Variants in CAPZB observed in about 807,000 individuals in gnomAD.
CAPZB encodes capping actin protein of muscle Z-line subunit beta.
Under a neutral mutation model 38.1 loss-of-function variants are expected in CAPZB, and 2 were observed. The observed-to-expected ratio is 0.05, with a 90% CI of 0.02 to 0.17. The LOEUF is 0.17. Among genes scored for constraint, CAPZB ranks in the 10% least tolerant of loss-of-function variants. The pLI, the probability that CAPZB is intolerant of heterozygous loss-of-function variation, is 1.00. For synonymous variants in CAPZB, 107 were observed against 127.4 expected, an observed-to-expected ratio of 0.84 and a Z score of 1.08; for missense variants, 161 against 334.2, an observed-to-expected ratio of 0.48 and a Z score of 4.04.
intron 1 of CAPZB, among the ~76,000 whole-genome samples, chr1:19,463,521 A>T (rs564109625): frequency 1.3e-3 from 198 of 152,330 alleles, no homozygotes; most frequent in African/African-American, 4.5e-3. Flanking sequence ...ACCCCACCTA[A>T]GCTCACATAA....
At chr1:19,389,094 G>C (rs180765643) in intron 2 of CAPZB, among the ~76,000 whole-genome samples, 46 of 152,066 alleles carry the variant, frequency 3.0e-4, no homozygotes, top group Non-Finnish European at 6.0e-4. Flanking sequence ...TAACATTTTC[G>C]TTGTCATGGG....
At chr1:19,403,060 C>CA (rs11428668) in intron 2 of CAPZB, among the ~76,000 whole-genome samples, 33,015 of 150,706 alleles carry the variant, frequency 0.22, 3,891 homozygotes, top group East Asian at 0.36. Context: ...TAAAACAAAA[C>CA]AAAAAAAAAG....
At chr1:19,423,919 C>T (rs545832863) in intron 1 of CAPZB, among the ~76,000 whole-genome samples, 33 of 152,240 alleles carry the variant, frequency 2.2e-4, no homozygotes, top group East Asian at 1.9e-3. Flanking sequence ...TCAAGCGATC[C>T]GCCCACCTCG....
intron 8 of CAPZB, among the ~76,000 whole-genome samples, chr1:19,342,131 G>C (rs1375631059): frequency 2.6e-5 from 4 of 152,236 alleles, no homozygotes; most frequent in African/African-American, 7.2e-5. Context: ...GCTGCAGCTC[G>C]TTAGGGGCGG....
At chr1:19,380,793 T>C (rs1486858202) in intron 3 of CAPZB, among the ~76,000 whole-genome samples, 3 of 152,128 alleles carry the variant, frequency 2.0e-5, no homozygotes, top group Non-Finnish European at 4.4e-5. Flanking sequence ...GAGCCTTTTC[T>C]GTCATCTTCT....
At chr1:19,461,992 A>G (rs547798762) in intron 1 of CAPZB, among the ~76,000 whole-genome samples, 1 of 152,308 alleles carries the variant, frequency 6.6e-6, no homozygotes, top group Non-Finnish European at 1.5e-5. Flanking sequence ...TAATGATACA[A>G]TCATAAAAAT....
chr1:19,484,934 C>CCG (rs1213049532), intron 1 of CAPZB, among the ~76,000 whole-genome samples: 3 of 152,176 alleles, frequency 2.0e-5, no homozygotes, highest in Admixed American at 2.0e-4. Context: ...AAGGGGCTGA[C>CCG]CGGGGTCCAG....
At chr1:19,447,185 G>C (rs1322723888) in intron 1 of CAPZB, among the ~76,000 whole-genome samples, 1 of 148,698 alleles carries the variant, frequency 6.7e-6, no homozygotes, top group South Asian at 2.1e-4. Flanking sequence ...TGTAATTGTT[G>C]TTGCTTTGTT....
chr1:19,464,184 CG>C (rs2094561556), intron 1 of CAPZB, among the ~76,000 whole-genome samples: 1 of 142,366 alleles, frequency 7.0e-6, no homozygotes, highest in South Asian at 2.2e-4. Flanking sequence ...AAGACTCTGT[CG>C]AAAAAGGGAA....
chr1:19,353,508 C>G (rs1353030661), intron 6 of CAPZB, among the ~76,000 whole-genome samples: 2 of 152,046 alleles, frequency 1.3e-5, no homozygotes, highest in African/African-American at 4.8e-5. Flanking sequence ...CCTCATGCCT[C>G]AGACTGACAC....
At chr1:19,384,115 C>T (rs2094191176) in intron 3 of CAPZB, among the ~76,000 whole-genome samples, 1 of 152,216 alleles carries the variant, frequency 6.6e-6, no homozygotes, top group South Asian at 2.1e-4. Context: ...TGCCATTCAA[C>T]ATTTCACGTG....
intron 1 of CAPZB, among the ~76,000 whole-genome samples, chr1:19,436,667 T>C (rs1475270562): frequency 1.4e-5 from 2 of 139,868 alleles, no homozygotes; most frequent in African/African-American, 2.5e-5. Flanking sequence ...ATATCCCCCA[T>C]AGCTAAGGAG....
intron 1 of CAPZB, among the ~76,000 whole-genome samples, chr1:19,461,180 A>C (rs1007750620): frequency 5.3e-5 from 8 of 152,028 alleles, no homozygotes; most frequent in Admixed American, 5.2e-4. Context: ...GGGAGAATGG[A>C]TCTTCATATG....
intron 4 of CAPZB, among the ~76,000 whole-genome samples, chr1:19,367,526 G>A (rs1055602044): frequency 1.3e-5 from 2 of 152,318 alleles, no homozygotes; most frequent in African/African-American, 2.4e-5. Context: ...GGCTTTGGGC[G>A]GGCCATGTCC....
chr1:19,462,080 A>G (rs984890661), intron 1 of CAPZB, among the ~76,000 whole-genome samples: 2 of 151,994 alleles, frequency 1.3e-5, no homozygotes, highest in African/African-American at 4.8e-5. Flanking sequence ...CAGGGCTTTG[A>G]GGCTGCAGTG....
chr1:19,358,018 T>C (rs1177692435), intron 4 of CAPZB, among the ~76,000 whole-genome samples: 1 of 152,232 alleles, frequency 6.6e-6, no homozygotes, highest in African/African-American at 2.4e-5. Context: ...CTCCTGAGCC[T>C]GGCAGACCAG....
chr1:19,475,014 C>T (rs2094602114), intron 1 of CAPZB, among the ~76,000 whole-genome samples: 1 of 152,114 alleles, frequency 6.6e-6, no homozygotes, highest in Non-Finnish European at 1.5e-5. Flanking sequence ...ATCAGGTGTC[C>T]ACACTAAGTC....
At chr1:19,441,818 G>A (rs752052874) in intron 1 of CAPZB, among the ~76,000 whole-genome samples, 4 of 152,006 alleles carry the variant, frequency 2.6e-5, no homozygotes, top group Non-Finnish European at 5.9e-5. Context: ...GACCAGCCTG[G>A]CAAACATGGC....
Position 19,339,272 on chromosome 1 carries a change from C to T in CAPZB, c.*258G>A, listed in dbSNP as rs1001893535. 4 of 498,104 alleles carry T rather than the reference C, an allele frequency of 8.0e-6. No homozygotes were observed. The highest frequency in any genetic ancestry group is 7.4e-5 in the Admixed American group (2 of 27,174). 30.9% of individuals were successfully genotyped at this position (498,104 alleles called of 1,614,324 possible). On this transcript the variant is annotated 3_prime_UTR_variant, in exon 9 of 9. Transcript: ENST00000264202. ...GGGACAGGGAGGAAGACGGGGGGCC[C>T]GGGTGAACAAAAACCACACGGTCTC...
Sources: gnomAD v4.1 joint callset for allele counts (sites outside exome capture counted in the v4.1 genomes callset) on GRCh38, gnomAD v4.1.1 for gene constraint, MANE v1.5 for transcripts, NCBI Gene and HGNC (gene_info 2026-07-23, HGNC 2026-07-21) for gene names.